The following ATP2C1 variants were observed in gnomAD, a reference collection of about 807,000 sequenced individuals.
ATP2C1 encodes ATPase secretory pathway Ca2+ transporting 1, also known as calcium-transporting ATPase type 2C member 1.
Under a neutral mutation model 120.5 loss-of-function variants are expected in ATP2C1, and 31 were observed. That is an observed-to-expected ratio of 0.26 (90% CI 0.19 to 0.35). The LOEUF is 0.35. Among genes scored for constraint, ATP2C1 ranks in the 10% least tolerant of loss-of-function variants. ATP2C1 has a pLI of 1.00. For synonymous variants in ATP2C1, 351 were observed against 358.7 expected (o/e 0.98, Z 0.24); for missense variants, 731 against 1,107.5 (o/e 0.66, Z 4.83).
rs116451508 is a variant in ATP2C1, at chr3:130,887,825, T to G, written c.108+36897T>G. On this transcript the variant is annotated intron_variant, in intron 1 of 26. Transcript: ENST00000504381. Reference sequence around the variant, plus strand: ...GAGCCCACTTGTTGGTCTAACCCACTCTGACTGAGCTGGTATCTAAAGTGC... The same window carrying G: ...GAGCCCACTTGTTGGTCTAACCCACGCTGACTGAGCTGGTATCTAAAGTGC... Among the ~76,000 whole-genome samples the G allele has an allele frequency of 7.7e-3, 1,175 of 152,312 alleles. 18 individuals are homozygous for G. The highest frequency in any genetic ancestry group is 0.027 in the African/African-American group (1,121 of 41,556).
chr3:130,944,752 A>G (rs1268054565), intron 8 of ATP2C1, among the ~76,000 whole-genome samples: 1 of 152,212 alleles, frequency 6.6e-6, no homozygotes, highest in Non-Finnish European at 1.5e-5. Context: ...TGCCTGTGTC[A>G]GGTTTTCAGA....
At chr3:130,963,050 C>T (rs1445958505) in intron 12 of ATP2C1, 1 of 151,950 alleles carries the variant, frequency 6.6e-6, no homozygotes, top group Non-Finnish European at 1.5e-5. Flanking sequence ...TGCTTATGTC[C>T]TTATTTCTAG....
intron 20 of ATP2C1, among the ~76,000 whole-genome samples, chr3:130,989,955 T>C (rs58454971): frequency 0.012 from 1,830 of 152,346 alleles, 39 homozygotes; most frequent in African/African-American, 0.041. Context: ...AATGGATTTT[T>C]GAACTTTTTT....
At chr3:130,979,562 T>C in intron 19 of ATP2C1, 143 bp downstream of exon 19, 1 of 961,844 alleles carries the variant, frequency 1.0e-6, no homozygotes, top group South Asian at 1.5e-5. Flanking sequence ...TTGCTCATGG[T>C]CTATATAAAG....
Position 130,916,371 on chromosome 3 carries a change from G to A in ATP2C1, c.7-14045G>A, listed in dbSNP as rs371403681. Reference sequence around the variant, plus strand: ...GCAGAGGTTGCAGTGAGCAGAGATCGCGCCACTGCACTCCAGCCTGGGCAA... The same window carrying A: ...GCAGAGGTTGCAGTGAGCAGAGATCACGCCACTGCACTCCAGCCTGGGCAA... On this transcript the variant is annotated intron_variant, in intron 2 of 27. Coordinates refer to ENST00000510168, the MANE Select transcript of ATP2C1 (RefSeq NM_001378687.1). 1.1e-4 allele frequency among the ~76,000 whole-genome samples: 16 copies of A among 151,958 alleles called. No homozygotes were observed. The East Asian group carries it at 1.2e-3, about 11-fold the overall frequency.
chr3:130,913,135 T>C (rs1204537362), intron 2 of ATP2C1, among the ~76,000 whole-genome samples: 3 of 147,888 alleles, frequency 2.0e-5, no homozygotes, highest in Non-Finnish European at 4.5e-5. Flanking sequence ...TTGGGAGATA[T>C]ACCTAATGCT....
chr3:130,907,817 A>G (rs58244264), intron 2 of ATP2C1, among the ~76,000 whole-genome samples: 90 of 151,412 alleles, frequency 5.9e-4, no homozygotes, highest in African/African-American at 2.1e-3. Context: ...CATTTCTGTT[A>G]AAAAGGCAGT....
chr3:130,853,145 A>G (rs1196011405), intron 1 of ATP2C1, among the ~76,000 whole-genome samples: 2 of 152,228 alleles, frequency 1.3e-5, no homozygotes, highest in African/African-American at 4.8e-5. Context: ...ATGACTGTAA[A>G]TGGAAAACCA....
chr3:130,910,838 GA>G (rs2058370226), intron 2 of ATP2C1, among the ~76,000 whole-genome samples: 1 of 77,398 alleles, frequency 1.3e-5, no homozygotes, highest in Admixed American at 1.4e-4. Flanking sequence ...TGTGCTGCTG[GA>G]TTCGTTTTGC....
At chr3:130,968,841 T>C (rs1352268504) in intron 16 of ATP2C1, among the ~76,000 whole-genome samples, 1 of 152,176 alleles carries the variant, frequency 6.6e-6, no homozygotes, top group African/African-American at 2.4e-5. Context: ...TGACTGGTAG[T>C]ATTCAGGATA....
chr3:130,873,708 C>T (rs2068507343), intron 1 of ATP2C1, among the ~76,000 whole-genome samples: 1 of 151,988 alleles, frequency 6.6e-6, no homozygotes, highest in South Asian at 2.1e-4. Context: ...ATATTTTTGC[C>T]TAGCTTTTGG....
At chr3:130,976,387 C>T (rs2061529568) in intron 18 of ATP2C1, among the ~76,000 whole-genome samples, 1 of 152,082 alleles carries the variant, frequency 6.6e-6, no homozygotes, top group Admixed American at 6.6e-5. Context: ...TCTCTCTGAA[C>T]CTTCTGTGCT....
chr3:130,909,257 G>T (rs1211329383), intron 2 of ATP2C1, among the ~76,000 whole-genome samples: 1 of 152,096 alleles, frequency 6.6e-6, no homozygotes, highest in African/African-American at 2.4e-5. Flanking sequence ...AAGGTGAGGG[G>T]ACCAATTTCC....
At position 130,999,599 on chromosome 3, in the gene ATP2C1, C is replaced by T. The variant is rs2062793708; in HGVS notation, c.2569C>T (p.Leu857=). The change falls in exon 27 of 28, where the codon CTA becomes TTA. Residue 857 remains leucine (L), a synonymous_variant. Coordinates refer to ENST00000510168, the MANE Select transcript of ATP2C1 (RefSeq NM_001378687.1). ...AVLGSIMGQL[L]VIYFPPLQKV... ...TCTTGGATCCATCATGGGACAATTA[C>T]TAGTTATTTACTTTCCTCCGCTTCA... The T allele has an allele frequency of 3.1e-6, 5 of 1,613,374 alleles. No individual in the cohort carries two copies. Among genetic ancestry groups the T allele is most frequent in the Admixed American group, 1.7e-5 (1 of 59,990 alleles).
At chr3:130,949,732 C>T (rs900160995) in intron 8 of ATP2C1, among the ~76,000 whole-genome samples, 1 of 150,102 alleles carries the variant, frequency 6.7e-6, no homozygotes, top group Non-Finnish European at 1.5e-5. Context: ...TAATACGTAA[C>T]ATAACACTTG....
intron 21 of ATP2C1, among the ~76,000 whole-genome samples, chr3:130,993,621 A>G (rs984828345): frequency 5.3e-5 from 8 of 152,188 alleles, no homozygotes; most frequent in South Asian, 2.1e-4. Context: ...TGATAGTCCA[A>G]AACATCTCCA....
chr3:130,922,697 G>C (rs1027037789), intron 2 of ATP2C1, among the ~76,000 whole-genome samples: 6 of 151,986 alleles, frequency 3.9e-5, no homozygotes, highest in Non-Finnish European at 8.8e-5. Flanking sequence ...TTTCCATTTT[G>C]GTTTCATTAT....
At chr3:130,862,408 T>C (rs1576532404) in intron 1 of ATP2C1, among the ~76,000 whole-genome samples, 1 of 151,756 alleles carries the variant, frequency 6.6e-6, no homozygotes, top group East Asian at 1.9e-4. Flanking sequence ...CCCGAACTCC[T>C]GGCTTCAGGT....
intron 2 of ATP2C1, chr3:130,918,087 C>G (rs972451539): frequency 5.1e-6 from 3 of 592,536 alleles, no homozygotes; most frequent in Non-Finnish European, 9.2e-6. Flanking sequence ...TACGAGTTAG[C>G]CAGCCTATCC....
Sources: gnomAD v4.1 joint callset for allele counts (sites outside exome capture counted in the v4.1 genomes callset) on GRCh38, gnomAD v4.1.1 for gene constraint, MANE v1.5 for transcripts, NCBI Gene and HGNC (gene_info 2026-07-23, HGNC 2026-07-21) for gene names.